AARSD1: variants seen among roughly 807,000 people sequenced by gnomAD.
AARSD1 encodes alanyl-tRNA synthetase domain containing 1.
A neutral mutation model predicts 48.7 loss-of-function variants in AARSD1; 44 were observed. That is an observed-to-expected ratio of 0.90 (90% CI 0.71 to 1.16). AARSD1 has a LOEUF of 1.16. Ranked by LOEUF, AARSD1 falls within the 50% of genes most tolerant of loss-of-function variation. AARSD1 has a pLI of 0.00. For synonymous variants in AARSD1, 189 were observed against 194.9 expected, an observed-to-expected ratio of 0.97 and a Z score of 0.25; for missense variants, 511 against 523.1, an observed-to-expected ratio of 0.98 and a Z score of 0.23.
chr17:42,956,956 T>C (rs7225021), intron 4 of AARSD1, among the ~76,000 whole-genome samples, 182 bp downstream of exon 4: 135,417 of 138,760 alleles, frequency 0.98, 66,151 homozygotes, highest in Non-Finnish European at 1. Flanking sequence ...CGTGAGCCAC[T>C]GCGCCTGGCC....
intron 8 of AARSD1, 84 bp from the exon 9 acceptor site, chr17:42,955,051 C>T: frequency 1.2e-5 from 20 of 1,610,950 alleles, no homozygotes; most frequent in Non-Finnish European, 1.7e-5. Flanking sequence ...ATTCTCCCCT[C>T]ACTCCCACTT....
Position 42,950,741 on chromosome 17 carries a change from G to C in AARSD1, c.1104-13C>G, listed in dbSNP as rs761479142. 48 of 1,604,912 alleles carry C rather than the reference G, an allele frequency of 3.0e-5. No homozygotes were observed. In the South Asian group the frequency reaches 5.0e-4, roughly 17 times the overall value. On this transcript the variant is annotated splice_polypyrimidine_tract_variant and intron_variant, in intron 11 of 11. Transcript: ENST00000427569. Reference sequence around the variant, plus strand: ...GACCTCAGCCACCCTGGGGAACAGAGGTATAGTCAGGGAGACTTTGAGGGA... The same window carrying C: ...GACCTCAGCCACCCTGGGGAACAGACGTATAGTCAGGGAGACTTTGAGGGA...
chr17:42,954,638 C>T (rs1395189133), intron 9 of AARSD1, among the ~76,000 whole-genome samples: 3 of 151,964 alleles, frequency 2.0e-5, no homozygotes, highest in Admixed American at 2.0e-4. Context: ...TTTCACCATG[C>T]TGGCCAGGCT....
At chr17:42,955,082 T>C (rs2049529183) in intron 8 of AARSD1, 76 bp downstream of exon 8, 5 of 1,612,868 alleles carry the variant, frequency 3.1e-6, no homozygotes, top group South Asian at 2.2e-5. Context: ...CACATCTGTT[T>C]AGGCAGAAGA....
chr17:42,952,131 C>A, intron 10 of AARSD1: 1 of 518,536 alleles, frequency 1.9e-6, no homozygotes, highest in South Asian at 2.5e-5. Context: ...GACTGCTGAT[C>A]CTGGCTAAGC....
intron 3 of AARSD1, 131 bp from the exon 4 acceptor site, chr17:42,957,326 C>T (rs2049572187): frequency 1.8e-6 from 2 of 1,087,866 alleles, no homozygotes; most frequent in East Asian, 2.6e-5. Context: ...CTGGGTAATA[C>T]ACTTTAGATA....
In AARSD1 at chr17:42,957,047, A is replaced by G; in HGVS notation, c.389+91T>C. 4 of 1,523,796 alleles carry G rather than the reference A, an allele frequency of 2.6e-6. No homozygotes were observed. In the South Asian group the frequency reaches 4.6e-5, roughly 18 times the overall value. The allele number at this position is 1,523,796 out of a possible 1,614,324, so 94.4% of individuals were successfully genotyped here. ...GCAATCACAGCTCACCACAGCCTTA[A>G]TCTCCCCGGCTCAAGCAATTCTCCC... is the stretch of plus-strand genomic sequence containing the variant. On this transcript the variant is annotated intron_variant, in intron 4 of 11. Transcript: ENST00000427569.
Position 42,956,110 on chromosome 17 carries a change from T to G in AARSD1, c.663+94A>C, listed in dbSNP as rs2049546676. The G allele has an allele frequency of 5.6e-6, 9 of 1,609,786 alleles. No individual in the cohort carries two copies. The South Asian group carries it at 9.9e-5, about 18-fold the overall frequency. Reference sequence around the variant, plus strand: ...GTGAAGGGGAGATTTCACTTAGGACTCCTCGATTATCCCCCTCTCCCACTC... The same window carrying G: ...GTGAAGGGGAGATTTCACTTAGGACGCCTCGATTATCCCCCTCTCCCACTC... On this transcript the variant is annotated intron_variant, in intron 6 of 11. Transcript: ENST00000427569.
intron 8 of AARSD1, 54 bp downstream of exon 8, chr17:42,955,104 G>A: frequency 6.2e-7 from 1 of 1,613,316 alleles, no homozygotes; most frequent in Non-Finnish European, 8.5e-7. Flanking sequence ...CAAGTCTGCA[G>A]AGCCTATCCT....
intron 7 of AARSD1, 106 bp downstream of exon 7, chr17:42,955,736 T>A (rs1413280335): frequency 1.3e-6 from 2 of 1,558,420 alleles, no homozygotes; most frequent in Non-Finnish European, 8.7e-7. Flanking sequence ...CCACCACGCC[T>A]GGCCGCACTT....
chr17:42,956,544 G>T lies in AARSD1; in HGVS notation c.406C>A (p.Arg136=). 3 of 1,611,292 alleles carry T rather than the reference G, an allele frequency of 1.9e-6. No homozygotes were observed. The highest frequency in any genetic ancestry group is 2.5e-6 in the Non-Finnish European group (3 of 1,179,000). Residue 136 remains arginine (R), a synonymous_variant, in exon 5 of 12, where the codon CGG becomes AGG. Transcript: ENST00000427569. The stretch of plus-strand genomic sequence containing the variant: ...GGGGTGTCCAGCTCAATCGCACTCC[G>T]AAATCTCCCTAACTCCCTGTCAGAA... ...KTTSWELGRF[R]SAIELDTPSM...
chr17:42,956,475 T>C lies in AARSD1; in HGVS notation c.475A>G (p.Asn159Asp). The change falls in exon 5 of 12, where the codon AAT becomes GAT. Residue 159 changes from asparagine (N) to aspartate (D), a missense_variant. Transcript: ENST00000427569. The stretch of plus-strand genomic sequence containing the variant: ...GGCAGCCGATCTCTGATTTTTTCAT[T>C]GACGCTCTGCTCAATGGCAGCTACT... ...EQVAAIEQSV[N>D]EKIRDRLPVN... 2 of 1,614,030 alleles carry C rather than the reference T, an allele frequency of 1.2e-6. No individual in the cohort carries two copies. The highest frequency in any genetic ancestry group is 2.2e-5 in the South Asian group (2 of 91,066).
intron 11 of AARSD1, among the ~76,000 whole-genome samples, chr17:42,951,213 T>C (rs1314358570): frequency 6.6e-6 from 1 of 150,970 alleles, no homozygotes; most frequent in Non-Finnish European, 1.5e-5. Context: ...CACATAAGAG[T>C]GAATAACTGG....
Position 42,961,225 on chromosome 17 carries a change from C to G in AARSD1, c.298G>C (p.Glu100Gln). 1 of 1,613,866 alleles carries G rather than the reference C, an allele frequency of 6.2e-7. No homozygotes were observed. The highest frequency in any genetic ancestry group is 2.2e-5 in the East Asian group (1 of 44,892). ...GSQVLVRVDW[E>Q]RRFDHMQQHS... ...TGCTGCATGTGGTCAAACCTCCGCTCCCAATCTACCCGGACCAGAACCTGG... is the reference window on the plus strand; with the variant it reads ...TGCTGCATGTGGTCAAACCTCCGCTGCCAATCTACCCGGACCAGAACCTGG... The change falls in exon 3 of 12, where the codon GAG becomes CAG. Residue 100 changes from glutamate to glutamine, a missense_variant. Coordinates refer to ENST00000427569, the MANE Select transcript of AARSD1 (RefSeq NM_001261434.2).
In AARSD1 at chr17:42,953,782, C is replaced by T. The variant is rs1357534702; in HGVS notation, c.954-4G>A. ...GAACTCTGAATCACCCTCCTTCCTA[C>T]AACAAAGGACACAGACATGAGACCC... On this transcript the variant is annotated splice_polypyrimidine_tract_variant and splice_region_variant and intron_variant, in intron 9 of 11. Coordinates refer to ENST00000427569, the MANE Select transcript of AARSD1 (RefSeq NM_001261434.2). 1 of 1,614,154 alleles carries T rather than the reference C, an allele frequency of 6.2e-7. No homozygotes were observed. The highest frequency in any genetic ancestry group is 8.5e-7 in the Non-Finnish European group (1 of 1,180,000).
At chr17:42,954,079 C>A (rs2049514176) in intron 9 of AARSD1, 1 of 352,686 alleles carries the variant, frequency 2.8e-6, no homozygotes, top group African/African-American at 2.1e-5. Context: ...ACAGGCTGGA[C>A]ACAGTGGCTC....
intron 3 of AARSD1, 28 bp from the exon 4 acceptor site, chr17:42,957,223 A>G (rs1453230534): frequency 6.2e-7 from 1 of 1,612,524 alleles, no homozygotes. Flanking sequence ...GAGACAGGAG[A>G]AAAGTGAGAA....
At chr17:42,961,008 TA>T in intron 3 of AARSD1, 183 bp downstream of exon 3, 1 of 994,722 alleles carries the variant, frequency 1.0e-6, no homozygotes, top group Non-Finnish European at 1.4e-6. Flanking sequence ...TACTTTTTTT[TA>T]CTTCAGTTGT....
At chr17:42,959,947 C>G (rs2049610524) in intron 3 of AARSD1, among the ~76,000 whole-genome samples, 5 of 151,976 alleles carry the variant, frequency 3.3e-5, no homozygotes, top group Admixed American at 3.3e-4. Flanking sequence ...CAGGCGTGAG[C>G]CACCGCACCT....
Sources: allele counts gnomAD v4.1 joint callset (sites outside exome capture counted in the v4.1 genomes callset), GRCh38; gene constraint gnomAD v4.1.1; transcripts MANE v1.5; gene names NCBI Gene and HGNC (gene_info 2026-07-23, HGNC 2026-07-21).